The following SAMD11 variants were observed in gnomAD, a reference collection of about 807,000 sequenced individuals.
SAMD11 encodes the protein sterile alpha motif domain containing 11.
A neutral mutation model predicts 64.4 loss-of-function variants in SAMD11; 77 were observed. The ratio of observed to expected loss-of-function variants is 1.20; its 90% CI spans 0.99 to 1.44. The LOEUF (loss-of-function observed/expected upper bound fraction) is 1.44, where lower values mean the gene tolerates loss of function less well. Ranked by LOEUF, SAMD11 falls within the 40% of genes most tolerant of loss-of-function variation. SAMD11 has a pLI of 0.00. For synonymous variants in SAMD11, 658 were observed against 421.9 expected (o/e 1.56, Z -6.86); for missense variants, 1,402 against 943.3 (o/e 1.49, Z -6.37).
intron 7 of SAMD11, among the ~76,000 whole-genome samples, chr1:940,152 G>A (rs1017988616): frequency 2.0e-5 from 3 of 152,192 alleles, no homozygotes; most frequent in Non-Finnish European, 4.4e-5. Flanking sequence ...GGCACCAAGA[G>A]CCTGAATAAT....
In SAMD11 at chr1:942,886, GC is replaced by G; in HGVS notation, c.1887del (p.Asp631ThrfsTer57). On this transcript the variant is annotated frameshift_variant, in exon 11 of 14. Transcript: ENST00000616016. LOFTEE classifies it high-confidence loss of function. ...GGGCACAAGATGGCTCGGAAGACGA[GC>G]CCCCCAAAGACTCGGACGGAGAGGA... ...LWAQDGSEDE[P>X]PKDSDGEDPE... 1 of 1,555,434 alleles carries G rather than the reference GC, an allele frequency of 6.4e-7. No individual in the cohort carries two copies. Among genetic ancestry groups the G allele is most frequent in the Non-Finnish European group, 8.7e-7 (1 of 1,149,590 alleles).
chr1:932,932 A>T (rs1641236953), intron 4 of SAMD11, among the ~76,000 whole-genome samples: 1 of 152,190 alleles, frequency 6.6e-6, no homozygotes, highest in African/African-American at 2.4e-5. Flanking sequence ...GGCAAGGGCT[A>T]GGCCGTGTGG....
chr1:932,633 G>A (rs2100316266), intron 4 of SAMD11, among the ~76,000 whole-genome samples: 1 of 152,238 alleles, frequency 6.6e-6, no homozygotes, highest in East Asian at 1.9e-4. Flanking sequence ...GCCTGTCCCT[G>A]GGTCCTTCTG....
In SAMD11 at chr1:924,690, A is replaced by AG. The variant is rs1640796781; in HGVS notation, c.262dup (p.Asp88GlyfsTer149). 1 of 151,642 alleles carries AG rather than the reference A, an allele frequency of 6.6e-6. No individual in the cohort carries two copies. Among genetic ancestry groups the AG allele is most frequent in the Non-Finnish European group, 1.5e-5 (1 of 67,922 alleles). 9.4% of individuals were successfully genotyped at this position (151,642 alleles called of 1,614,324 possible). A position where few individuals can be genotyped will look rare whatever the true frequency, so the allele number is the denominator to read the frequency against. On this transcript the variant is annotated frameshift_variant, in exon 1 of 14. Transcript: ENST00000616016. LOFTEE classifies it high-confidence loss of function. ...GGCCGCCCCGCACCTCCACCTGCCCAGGGACCCGCTGGCCCTCGAGCGCTT... is the reference window on the plus strand; with the variant it reads ...GGCCGCCCCGCACCTCCACCTGCCCAGGGGACCCGCTGGCCCTCGAGCGCTT...
At position 942,893 on chromosome 1, in the gene SAMD11, A is replaced by C; in HGVS notation, c.1888A>C (p.Lys630Gln). ...AGATGGCTCGGAAGACGAGCCCCCC[A>C]AAGACTCGGACGGAGAGGACCCCGA... is the stretch of plus-strand genomic sequence containing the variant. The part of the protein sequence containing the change: ...AQDGSEDEPP[K>Q]DSDGEDPETA... Residue 630 changes from lysine to glutamine, a missense_variant, in exon 11 of 14, where the codon AAA (lysine) becomes CAA (glutamine). Lys to Gln is a moderately conservative substitution (Grantham distance 53, BLOSUM62 1). Coordinates refer to ENST00000616016, the MANE Select transcript of SAMD11 (RefSeq NM_001385641.1). 1.9e-6 allele frequency: 3 copies of C among 1,555,540 alleles called. No individual in the cohort carries two copies. Among genetic ancestry groups the C allele is most frequent in the Non-Finnish European group, 2.6e-6 (3 of 1,149,808 alleles).
At position 942,249 on chromosome 1, in the gene SAMD11, C is replaced by T; in HGVS notation, c.1472C>T (p.Pro491Leu). Residue 491 changes from proline (P) to leucine (L), a missense_variant and splice_region_variant, in exon 9 of 14, where the codon CCA (proline) becomes CTA (leucine). Physicochemically the swap from Pro to Leu is moderately conservative, Grantham distance 98. Transcript: ENST00000616016. Reference protein sequence around the residue: ...LGVPSALCQTPGYGFLPPAQA... With the variant: ...LGVPSALCQTLGYGFLPPAQA... ...GTGCCCTCGGCTCTGTGCCAGACCC[C>T]AGGTGAGGAGGCGGGTGCGCATCCC... The T allele has an allele frequency of 7.9e-7, 1 of 1,271,428 alleles. No individual in the cohort carries two copies. Among genetic ancestry groups the T allele is most frequent in the Non-Finnish European group, 1.0e-6 (1 of 974,100 alleles). 78.8% of individuals were successfully genotyped at this position (1,271,428 alleles called of 1,614,324 possible).
chr1:933,869 T>C (rs115526822), intron 4 of SAMD11, among the ~76,000 whole-genome samples: 3,135 of 142,514 alleles, frequency 0.022, 409 homozygotes, highest in African/African-American at 0.091. Flanking sequence ...AGGGGCAGCC[T>C]TGGATTAGCC....
intron 4 of SAMD11, among the ~76,000 whole-genome samples, chr1:932,480 C>A (rs1375928742): frequency 6.6e-6 from 1 of 152,194 alleles, no homozygotes; most frequent in African/African-American, 2.4e-5. Flanking sequence ...GGAGGGCGTG[C>A]TGGGGTCCCC....
rs1569889088 is a variant in SAMD11, at chr1:935,810, A to G, written c.881A>G (p.His294Arg). Reference sequence around the variant, plus strand: ...CTTCCCACCCTCATATCCAGCGTCCACCGCAGCCGCCACCTCGTTATGCCC... The same window carrying G: ...CTTCCCACCCTCATATCCAGCGTCCGCCGCAGCCGCCACCTCGTTATGCCC... ...GNLPTLISSV[H>R]RSRHLVMPEH... The change falls in exon 5 of 14, where the codon CAC becomes CGC. Residue 294 changes from histidine to arginine, a missense_variant. Physicochemically the swap from His to Arg is conservative, Grantham distance 29. Coordinates refer to ENST00000616016, the MANE Select transcript of SAMD11 (RefSeq NM_001385641.1). The G allele has an allele frequency of 6.2e-7, 1 of 1,613,374 alleles. No homozygotes were observed. The highest frequency in any genetic ancestry group is 8.5e-7 in the Non-Finnish European group (1 of 1,179,884).
intron 3 of SAMD11, among the ~76,000 whole-genome samples, chr1:930,789 C>T (rs1641131314): frequency 6.6e-6 from 1 of 152,252 alleles, no homozygotes; most frequent in Non-Finnish European, 1.5e-5. Flanking sequence ...GGCCTCGGTC[C>T]TGTTCTTCCT....
rs765464727 is a variant in SAMD11, at chr1:941,182, C to A, written c.1234C>A (p.Leu412Met). The A allele has an allele frequency of 1.2e-6, 2 of 1,602,356 alleles. No individual in the cohort carries two copies. Among genetic ancestry groups the A allele is most frequent in the Admixed American group, 1.7e-5 (1 of 58,942 alleles). The stretch of plus-strand genomic sequence containing the variant: ...CCGGCAGGAGGTGGCGGCTGCAGCT[C>A]TGAGGGGCCCCAGTGGCCTGGAAGC... ...RVRQEVAAAALRGPSGLEAHL... is the reference protein window; with the variant it reads ...RVRQEVAAAAMRGPSGLEAHL... The change falls in exon 8 of 14, where the codon CTG becomes ATG. Residue 412 changes from leucine (L) to methionine (M), a missense_variant. Leu to Met is a conservative substitution (Grantham distance 15). Transcript: ENST00000616016.
At chr1:942,088 C>T (rs756627856) in intron 8 of SAMD11, 48 bp from the exon 9 acceptor site, 12 of 562,438 alleles carry the variant, frequency 2.1e-5, no homozygotes, top group Middle Eastern at 4.9e-4. Flanking sequence ...GGGGCCTTTA[C>T]GGGAACGGGG....
intron 4 of SAMD11, among the ~76,000 whole-genome samples, chr1:932,151 G>A (rs1381732019): frequency 1.3e-5 from 2 of 152,246 alleles, no homozygotes; most frequent in Non-Finnish European, 2.9e-5. Flanking sequence ...CAGCTCACCT[G>A]ATCATTTTTA....
chr1:944,443 C>A lies in SAMD11; in HGVS notation c.*290C>A. On this transcript the variant is annotated 3_prime_UTR_variant, in exon 14 of 14. Transcript: ENST00000616016. ...GGGACTGGTCTCGGTCTGCTGACGT[C>A]AGGGTCAGCTCCCCCGCGGAGCTGA... 1.1e-6 allele frequency: 1 copy of A among 939,570 alleles called. No individual in the cohort carries two copies. Among genetic ancestry groups the A allele is most frequent in the Non-Finnish European group, 1.5e-6 (1 of 673,934 alleles). The allele number at this position is 939,570 out of a possible 1,614,324, so 58.2% of individuals were successfully genotyped here.
chr1:943,945 G>A lies in SAMD11; in HGVS notation c.2327G>A (p.Ser776Asn). The A allele has an allele frequency of 6.2e-7, 1 of 1,612,674 alleles. No homozygotes were observed. The highest frequency in any genetic ancestry group is 1.1e-5 in the South Asian group (1 of 91,074). Residue 776 changes from serine to asparagine, a missense_variant, in exon 14 of 14, where the codon AGC (serine) becomes AAC (asparagine). Physicochemically the swap from Ser to Asn is conservative, Grantham distance 46. Transcript: ENST00000616016. ...RRLGRVFYVA[S>N]FPVALPLQPP... ...CTGGGCCGAGTTTTCTACGTGGCCA[G>A]CTTCCCCGTGGCTCTGCCACTGCAG... is the stretch of plus-strand genomic sequence containing the variant.
rs1262468865 is a variant in SAMD11 at position 942,236 on chromosome 1, CTG to C, written c.1462_1463del (p.Cys488ProfsTer129). On this transcript the variant is annotated frameshift_variant, in exon 9 of 14. Coordinates refer to ENST00000616016, the MANE Select transcript of SAMD11 (RefSeq NM_001385641.1). LOFTEE classifies it high-confidence loss of function. ...RPPFLGVPSA[L>X]CQTPGYGFLP... ...CCCCTTCCTGGGGGTGCCCTCGGCT[CTG>C]TGCCAGACCCCAGGTGAGGAGGCGG... is the stretch of plus-strand genomic sequence containing the variant. 5.3e-6 allele frequency: 7 copies of C among 1,331,024 alleles called. No homozygotes were observed. Among genetic ancestry groups the C allele is most frequent in the Non-Finnish European group, 6.8e-6 (7 of 1,026,752 alleles). The allele number at this position is 1,331,024 out of a possible 1,614,324, so 82.5% of individuals were successfully genotyped here. A position where few individuals can be genotyped will look rare whatever the true frequency, so the allele number is the denominator to read the frequency against.
chr1:936,905 C>A (rs1032831979), intron 5 of SAMD11, among the ~76,000 whole-genome samples: 3 of 152,186 alleles, frequency 2.0e-5, no homozygotes, highest in African/African-American at 7.2e-5. Context: ...AGGCCCTCCC[C>A]TGTGCCTTCA....
intron 4 of SAMD11, among the ~76,000 whole-genome samples, chr1:935,187 G>A (rs1254838329): frequency 6.6e-6 from 1 of 152,184 alleles, no homozygotes; most frequent in African/African-American, 2.4e-5. Context: ...CCAAGCCCCC[G>A]CCTGCCGGGG....
rs1273695182 is a variant in SAMD11, at chr1:944,266, T to A, written c.*113T>A. On this transcript the variant is annotated 3_prime_UTR_variant, in exon 14 of 14. Transcript: ENST00000616016. ...TCGGTTTCGGATGCAAAACAAAAAA[T>A]TTTAAAAGAAAATGTGACTTCAAAG... The A allele has an allele frequency of 8.3e-6, 12 of 1,449,894 alleles. No homozygotes were observed. Among genetic ancestry groups the A allele is most frequent in the African/African-American group, 2.9e-5 (2 of 69,510 alleles). 89.8% of individuals were successfully genotyped at this position (1,449,894 alleles called of 1,614,324 possible).
Sources: gnomAD v4.1 joint callset for allele counts (sites outside exome capture counted in the v4.1 genomes callset) on GRCh38, gnomAD v4.1.1 for gene constraint, MANE v1.5 for transcripts, NCBI Gene and HGNC (gene_info 2026-07-23, HGNC 2026-07-21) for gene names.